The following EXOC4 variants were observed in gnomAD, a reference collection of about 807,000 sequenced individuals.
The protein encoded by EXOC4 is SEC8-like 1.
A neutral mutation model predicts 107.2 loss-of-function variants in EXOC4; 71 were observed. The ratio of observed to expected loss-of-function variants is 0.66; its 90% CI spans 0.55 to 0.81. EXOC4 has a LOEUF of 0.81. Ranked by LOEUF, EXOC4 falls within the 30% of genes least tolerant of loss-of-function variation. The pLI is 0.00. For missense variants in EXOC4, 1,108 were observed against 1,189.6 expected (o/e 0.93, Z 1.01); for synonymous variants, 456 against 441.2 (o/e 1.03, Z -0.42).
At chr7:133,965,783 G>A (rs1347279320) in intron 14 of EXOC4, among the ~76,000 whole-genome samples, 1 of 152,082 alleles carries the variant, frequency 6.6e-6, no homozygotes, top group East Asian at 1.9e-4. Flanking sequence ...TGTTCTTTTT[G>A]CTTAGGATTG....
At chr7:133,433,514 G>A (rs987820487) in intron 7 of EXOC4, among the ~76,000 whole-genome samples, 8 of 152,188 alleles carry the variant, frequency 5.3e-5, no homozygotes, top group Admixed American at 2.0e-4. Context: ...ACCAAGCCCA[G>A]TGTAGTCCAG....
At chr7:133,542,418 C>G (rs1800398341) in intron 9 of EXOC4, among the ~76,000 whole-genome samples, 1 of 152,018 alleles carries the variant, frequency 6.6e-6, no homozygotes, top group Non-Finnish European at 1.5e-5. Context: ...GGGCAGGACC[C>G]TTTCTGGAAT....
chr7:134,003,988 G>C (rs1163643264), intron 15 of EXOC4, among the ~76,000 whole-genome samples: 1 of 152,052 alleles, frequency 6.6e-6, no homozygotes, highest in Non-Finnish European at 1.5e-5. Context: ...TGTCAGATAT[G>C]TTCTGTGAGA....
rs149462879 is a variant in EXOC4 at position 133,395,679 on chromosome 7, AAC to A, written c.1182+20690_1182+20691del. On this transcript the variant is annotated intron_variant, in intron 7 of 17. Transcript: ENST00000253861. ...ATATATATATACACTGTATATATAA[AAC>A]ACACACACACACTGTATTTAGAAAG... Among the ~76,000 whole-genome samples, 1,317 of 151,958 alleles carry A rather than the reference AAC, an allele frequency of 8.7e-3. 19 individuals are homozygous for A. The highest frequency in any genetic ancestry group is 0.031 in the African/African-American group (1,268 of 41,476).
chr7:133,463,650 C>G (rs1279990580), intron 7 of EXOC4, among the ~76,000 whole-genome samples: 3 of 152,064 alleles, frequency 2.0e-5, no homozygotes, highest in African/African-American at 7.2e-5. Flanking sequence ...TTCTTACAGC[C>G]TAACTACTAA....
At chr7:133,571,250 C>T (rs761836033) in intron 9 of EXOC4, among the ~76,000 whole-genome samples, 10 of 152,136 alleles carry the variant, frequency 6.6e-5, no homozygotes. Flanking sequence ...AAAGGGAGCC[C>T]TTGTCTGATC....
At chr7:133,614,307 A>G (rs1230498225) in intron 9 of EXOC4, among the ~76,000 whole-genome samples, 1 of 152,152 alleles carries the variant, frequency 6.6e-6, no homozygotes, top group African/African-American at 2.4e-5. Flanking sequence ...AAAGATGAAC[A>G]GCAGTTGCCA....
At chr7:133,571,610 G>A (rs899644293) in intron 9 of EXOC4, among the ~76,000 whole-genome samples, 70 of 151,920 alleles carry the variant, frequency 4.6e-4, no homozygotes, top group African/African-American at 1.4e-3. Flanking sequence ...AGGAGTCAGC[G>A]GTTGCAGTGA....
intron 9 of EXOC4, among the ~76,000 whole-genome samples, chr7:133,547,674 T>A (rs1800508389): frequency 6.6e-6 from 1 of 152,196 alleles, no homozygotes; most frequent in South Asian, 2.1e-4. Context: ...GTAGATTACA[T>A]CTCAAGAAAT....
chr7:133,342,023 AT>A (rs945690447), intron 5 of EXOC4, among the ~76,000 whole-genome samples: 85 of 151,352 alleles, frequency 5.6e-4, no homozygotes, highest in African/African-American at 1.9e-3. Context: ...CGTTTAGGCC[AT>A]TTACATTCAA....
At chr7:133,707,880 CTG>C (rs907053291) in intron 10 of EXOC4, among the ~76,000 whole-genome samples, 31 of 152,276 alleles carry the variant, frequency 2.0e-4, no homozygotes, top group Admixed American at 1.8e-3. Context: ...GCATGAGTCA[CTG>C]TGCCTGGCCT....
At chr7:133,773,725 T>G (rs1796291171) in intron 10 of EXOC4, among the ~76,000 whole-genome samples, 1 of 152,022 alleles carries the variant, frequency 6.6e-6, no homozygotes, top group South Asian at 2.1e-4. Flanking sequence ...CTTGCACTTA[T>G]GTACTCATTC....
At chr7:133,470,956 G>C (rs895048151) in intron 7 of EXOC4, among the ~76,000 whole-genome samples, 4 of 152,134 alleles carry the variant, frequency 2.6e-5, no homozygotes, top group African/African-American at 4.8e-5. Flanking sequence ...GGAAGGTGCA[G>C]TACATTATCC....
chr7:133,727,678 C>T (rs1291616343), intron 10 of EXOC4: 9 of 152,838 alleles, frequency 5.9e-5, no homozygotes, highest in Non-Finnish European at 1.3e-4. Context: ...CTGCGGTCGC[C>T]CACTGGGACT....
At chr7:133,359,372 G>A (rs960448944) in intron 6 of EXOC4, among the ~76,000 whole-genome samples, 20 of 152,176 alleles carry the variant, frequency 1.3e-4, no homozygotes, top group Non-Finnish European at 1.5e-5. Flanking sequence ...TTTGTGCATT[G>A]ACTCTTACTT....
At chr7:134,027,428 G>A (rs1281578579) in intron 17 of EXOC4, among the ~76,000 whole-genome samples, 1 of 152,126 alleles carries the variant, frequency 6.6e-6, no homozygotes, top group African/African-American at 2.4e-5. Context: ...GGGAGGCCGA[G>A]GCGGGCAGAT....
chr7:133,369,894 T>G (rs912556650), intron 6 of EXOC4, among the ~76,000 whole-genome samples: 1 of 138,350 alleles, frequency 7.2e-6, no homozygotes, highest in African/African-American at 2.8e-5. Context: ...AACCTTTGCC[T>G]GCCGGGTTCA....
intron 14 of EXOC4, among the ~76,000 whole-genome samples, chr7:133,963,253 T>C (rs1164324390): frequency 1.3e-5 from 2 of 152,238 alleles, no homozygotes; most frequent in African/African-American, 4.8e-5. Context: ...AGGGGAGGCA[T>C]CTGTAGTACT....
At chr7:133,684,270 A>G (rs1429359577) in intron 10 of EXOC4, among the ~76,000 whole-genome samples, 1 of 152,202 alleles carries the variant, frequency 6.6e-6, no homozygotes, top group African/African-American at 2.4e-5. Context: ...TTAAAATATC[A>G]GAATACTTTA....
Sources: gnomAD v4.1 joint callset for allele counts (sites outside exome capture counted in the v4.1 genomes callset) on GRCh38, gnomAD v4.1.1 for gene constraint, MANE v1.5 for transcripts, NCBI Gene and HGNC (gene_info 2026-07-23, HGNC 2026-07-21) for gene names.